TMED8: variants seen among roughly 807,000 people sequenced by gnomAD.
TMED8 encodes transmembrane p24 trafficking protein family member 8.
In TMED8, 15 loss-of-function variants were observed where a neutral mutation model predicts 32.7. That is an observed-to-expected ratio of 0.46 (90% confidence interval 0.31 to 0.71). TMED8 has a LOEUF of 0.71. TMED8 is among the 30% of genes least tolerant of loss of function. The pLI is 0.06. For missense variants in TMED8, 390 were observed against 423.9 expected (o/e 0.92, Z 0.70); for synonymous variants, 147 against 161.4 (o/e 0.91, Z 0.68).
intron 1 of TMED8, among the ~76,000 whole-genome samples, chr14:77,358,739 T>C (rs1893359131): frequency 6.6e-6 from 1 of 152,212 alleles, no homozygotes; most frequent in African/African-American, 2.4e-5. Context: ...TTTAAACGAA[T>C]AACAGTATAA....
chr14:77,345,153 A>G (rs1892994705), intron 3 of TMED8, among the ~76,000 whole-genome samples: 1 of 152,044 alleles, frequency 6.6e-6, no homozygotes, highest in African/African-American at 2.4e-5. Flanking sequence ...ACGCCCAGCT[A>G]ATTTTGTATT....
chr14:77,348,901 A>G (rs1344704379), intron 2 of TMED8, among the ~76,000 whole-genome samples: 1 of 152,128 alleles, frequency 6.6e-6, no homozygotes, highest in East Asian at 1.9e-4. Flanking sequence ...CACTTGGGTA[A>G]TTCAGTGTAA....
rs951189797 is a variant in TMED8, at chr14:77,338,540, C to T, written c.*3231G>A. 1 of 152,222 alleles carries T rather than the reference C, an allele frequency of 6.6e-6. No individual in the cohort carries two copies. Among genetic ancestry groups the T allele is most frequent in the African/African-American group, 2.4e-5 (1 of 41,456 alleles). 9.4% of individuals were successfully genotyped at this position (152,222 alleles called of 1,614,324 possible). A position where few individuals can be genotyped will look rare whatever the true frequency, so the allele number is the denominator to read the frequency against. On this transcript the variant is annotated 3_prime_UTR_variant, in exon 6 of 6. Transcript: ENST00000216468. ...CTTTGATCTACCTCTGACCTGGAAACCCCCATCTTCAAGATGTCCTGCCTT... is the reference window on the plus strand; with the variant it reads ...CTTTGATCTACCTCTGACCTGGAAATCCCCATCTTCAAGATGTCCTGCCTT...
At chr14:77,354,799 C>T (rs1246293759) in intron 1 of TMED8, among the ~76,000 whole-genome samples, 2 of 152,026 alleles carry the variant, frequency 1.3e-5, no homozygotes, top group Non-Finnish European at 2.9e-5. Flanking sequence ...CTAGAAAATA[C>T]CAAAATTAGG....
rs1253946401 is a variant in TMED8 at position 77,376,626 on chromosome 14, GCTGAAGCTGAAA to G, written c.118+298_118+309del. 9.8e-6 allele frequency: 2 copies of G among 203,554 alleles called. No individual in the cohort carries two copies. The highest frequency in any genetic ancestry group is 2.0e-5 in the Non-Finnish European group (2 of 101,950). 12.6% of individuals were successfully genotyped at this position (203,554 alleles called of 1,614,324 possible). A position where few individuals can be genotyped will look rare whatever the true frequency, so the allele number is the denominator to read the frequency against. ...AGACGGAGGTGGGACCCGAACCCCGGCTGAAGCTGAAACTGAAGCTGAAGAGGCGCCAGGGGC... is the reference window on the plus strand; with the variant it reads ...AGACGGAGGTGGGACCCGAACCCCGGCTGAAGCTGAAGAGGCGCCAGGGGC... On this transcript the variant is annotated intron_variant, in intron 1 of 5. Coordinates refer to ENST00000216468, the MANE Select transcript of TMED8 (RefSeq NM_213601.3). This position sits in a 1 kb window ranked among gnomAD's most constrained non-coding sequence, Gnocchi z 4.0.
chr14:77,361,883 T>A (rs958268825), intron 1 of TMED8, among the ~76,000 whole-genome samples: 1 of 152,118 alleles, frequency 6.6e-6, no homozygotes, highest in Non-Finnish European at 1.5e-5. Flanking sequence ...TCGACCTCCA[T>A]GGCTCAAGCA....
At chr14:77,375,332 AG>A (rs966204110) in intron 1 of TMED8, among the ~76,000 whole-genome samples, 1 of 152,094 alleles carries the variant, frequency 6.6e-6, no homozygotes, top group African/African-American at 2.4e-5. Flanking sequence ...ATTAGATGTC[AG>A]GGGGAAAAAA....
At chr14:77,370,354 A>G (rs985700547) in intron 1 of TMED8, among the ~76,000 whole-genome samples, 17 of 152,192 alleles carry the variant, frequency 1.1e-4, no homozygotes, top group Non-Finnish European at 2.4e-4. Context: ...ACAGTAGTGG[A>G]TTTAAAGAAT....
intron 1 of TMED8, among the ~76,000 whole-genome samples, chr14:77,362,059 A>AT (rs1399029573): frequency 3.3e-5 from 5 of 152,102 alleles, no homozygotes; most frequent in African/African-American, 9.7e-5. Context: ...TTGTGCACTG[A>AT]TTTTTTATCC....
chr14:77,348,145 A>C (rs1893092437), intron 2 of TMED8, among the ~76,000 whole-genome samples: 1 of 152,234 alleles, frequency 6.6e-6, no homozygotes, highest in Admixed American at 6.5e-5. Flanking sequence ...GTTTTTAAGT[A>C]AAAACATGTT....
Position 77,341,908 on chromosome 14 carries a change from G to C in TMED8, c.841C>G (p.Arg281Gly). Residue 281 changes from arginine (R) to glycine (G), a missense_variant, in exon 6 of 6, where the codon CGG (arginine) becomes GGG (glycine). By Grantham distance (125) the Arg-to-Gly change is moderately radical. Transcript: ENST00000216468. ...GRYGEVMPVY[R>G]RDSHRDVQAG... ...TGCACGTCTCGGTGGCTGTCCCGCC[G>C]GTACACAGGCATGACCTCCCCATAG... 3 of 1,611,416 alleles carry C rather than the reference G, an allele frequency of 1.9e-6. No individual in the cohort carries two copies. Among genetic ancestry groups the C allele is most frequent in the Non-Finnish European group, 2.5e-6 (3 of 1,179,178 alleles).
chr14:77,370,305 T>C (rs1218406976), intron 1 of TMED8, among the ~76,000 whole-genome samples: 1 of 152,196 alleles, frequency 6.6e-6, no homozygotes, highest in African/African-American at 2.4e-5. Flanking sequence ...AAGGTTAAAT[T>C]TTTAGACAGA....
At chr14:77,351,614 C>G in intron 2 of TMED8, 59 bp downstream of exon 2, 3 of 1,475,840 alleles carry the variant, frequency 2.0e-6, no homozygotes, top group Non-Finnish European at 2.8e-6. Flanking sequence ...CTATTTCTTT[C>G]ACCAGTTCCT....
At chr14:77,364,666 T>C (rs1893510811) in intron 1 of TMED8, among the ~76,000 whole-genome samples, 1 of 152,210 alleles carries the variant, frequency 6.6e-6, no homozygotes, top group African/African-American at 2.4e-5. Flanking sequence ...TAGCTGAGAA[T>C]ACAGGCACCC....
At chr14:77,354,814 TGTG>T (rs1426619151) in intron 1 of TMED8, among the ~76,000 whole-genome samples, 4 of 151,946 alleles carry the variant, frequency 2.6e-5, no homozygotes, top group African/African-American at 4.8e-5. Flanking sequence ...ATTAGGTAGG[TGTG>T]GTGGCGAGCA....
At chr14:77,367,265 A>AT (rs1019338409) in intron 1 of TMED8, among the ~76,000 whole-genome samples, 2 of 151,450 alleles carry the variant, frequency 1.3e-5, no homozygotes, top group African/African-American at 4.8e-5. Context: ...AAAAAAAAAA[A>AT]AACTTTTTAA....
At chr14:77,370,073 G>A (rs1451544142) in intron 1 of TMED8, among the ~76,000 whole-genome samples, 1 of 151,896 alleles carries the variant, frequency 6.6e-6, no homozygotes, top group African/African-American at 2.4e-5. Context: ...TCGGGAGGCT[G>A]AGGCAGGAGA....
At chr14:77,375,236 A>C (rs1484385596) in intron 1 of TMED8, among the ~76,000 whole-genome samples, 2 of 152,142 alleles carry the variant, frequency 1.3e-5, no homozygotes, top group Non-Finnish European at 2.9e-5. Flanking sequence ...TTAAAAAAAA[A>C]AATTATCACC....
chr14:77,345,741 G>A (rs548441462), intron 3 of TMED8, among the ~76,000 whole-genome samples: 10 of 151,834 alleles, frequency 6.6e-5, no homozygotes, highest in South Asian at 2.1e-4. Context: ...AGGTCAAGGC[G>A]GGTGGATCAC....
Sources: gnomAD v4.1 joint callset for allele counts (sites outside exome capture counted in the v4.1 genomes callset) on GRCh38, gnomAD v4.1.1 for gene constraint, Gnocchi (gnomAD v3.1) non-coding constraint, MANE v1.5 for transcripts, NCBI Gene and HGNC (gene_info 2026-07-23, HGNC 2026-07-21) for gene names.